Variants in SEC14L5 observed in about 807,000 individuals in gnomAD.
The protein encoded by SEC14L5 is SEC14 like lipid binding 5, also known as SEC14-like protein 5.
A neutral mutation model predicts 84.6 loss-of-function variants in SEC14L5; 96 were observed. That is an observed-to-expected ratio of 1.13 (90% confidence interval 0.96 to 1.34). The LOEUF is 1.34. Ranked by LOEUF, SEC14L5 falls within the 40% of genes most tolerant of loss-of-function variation. The pLI is 0.00. For synonymous variants in SEC14L5, 546 were observed against 383.4 expected, an observed-to-expected ratio of 1.42 and a Z score of -4.95; for missense variants, 1,224 against 942.5, an observed-to-expected ratio of 1.30 and a Z score of -3.91.
In SEC14L5 at chr16:4,990,942, G is replaced by C. The variant is rs1178870559; in HGVS notation, c.474+47G>C. The C allele has an allele frequency of 2.7e-6, 4 of 1,479,616 alleles. No homozygotes were observed. In the East Asian group the frequency reaches 1.0e-4, roughly 38 times the overall value. The allele number at this position is 1,479,616 out of a possible 1,614,324, so 91.7% of individuals were successfully genotyped here. A position where few individuals can be genotyped will look rare whatever the true frequency, so the allele number is the denominator to read the frequency against. ...TTACTGGAGGAAGGTGCACACACCT[G>C]CTCTGCCATCAACAGCTGCATGACC... is the stretch of plus-strand genomic sequence containing the variant. On this transcript the variant is annotated intron_variant, in intron 5 of 15. Coordinates refer to ENST00000251170, the MANE Select transcript of SEC14L5 (RefSeq NM_014692.2).
Position 4,995,248 on chromosome 16 carries a change from C to T in SEC14L5, c.668-1100C>T, listed in dbSNP as rs1052456860. On this transcript the variant is annotated intron_variant, in intron 6 of 15. Coordinates refer to ENST00000251170, the MANE Select transcript of SEC14L5 (RefSeq NM_014692.2). ...GACGTCTCCGCCCACTGCTGAGATG[C>T]CACGAGGCCTCTGCACGCCAGCATC... Among the ~76,000 whole-genome samples the T allele has an allele frequency of 2.6e-5, 4 of 152,320 alleles. No individual in the cohort carries two copies. The East Asian group carries it at 5.8e-4, about 22-fold the overall frequency.
intron 2 of SEC14L5, among the ~76,000 whole-genome samples, chr16:4,984,898 T>C (rs963109455): frequency 6.6e-6 from 1 of 152,250 alleles, no homozygotes; most frequent in African/African-American, 2.4e-5. Flanking sequence ...CTCTTTATTG[T>C]TGAATTCTAA....
At chr16:4,978,915 A>T (rs1203965724) in intron 2 of SEC14L5, among the ~76,000 whole-genome samples, 4 of 152,046 alleles carry the variant, frequency 2.6e-5, no homozygotes, top group Non-Finnish European at 5.9e-5. Context: ...TTCTTATTTT[A>T]TGTAGAGATG....
intron 11 of SEC14L5, among the ~76,000 whole-genome samples, chr16:5,005,060 C>G (rs530167331): frequency 6.6e-6 from 1 of 152,210 alleles, no homozygotes; most frequent in East Asian, 1.9e-4. Context: ...CCTGTAATCC[C>G]AGTACTTTGA....
intron 10 of SEC14L5, among the ~76,000 whole-genome samples, chr16:5,002,297 G>GTT (rs1568142771): frequency 1.4e-5 from 1 of 72,458 alleles, no homozygotes. Context: ...GCTGTTTGCA[G>GTT]ATTTTTTTTT....
intron 2 of SEC14L5, among the ~76,000 whole-genome samples, chr16:4,973,583 T>A (rs1238290479): frequency 6.6e-6 from 1 of 152,096 alleles, no homozygotes; most frequent in Non-Finnish European, 1.5e-5. Context: ...GAAGCACTGA[T>A]GCACGATGCA....
chr16:4,980,554 T>C (rs1955409716), intron 2 of SEC14L5, among the ~76,000 whole-genome samples: 1 of 152,146 alleles, frequency 6.6e-6, no homozygotes, highest in African/African-American at 2.4e-5. Context: ...TTGGGCCAAG[T>C]GCGTGTTATG....
chr16:4,972,152 C>T (rs34763213), intron 2 of SEC14L5, among the ~76,000 whole-genome samples: 3 of 151,856 alleles, frequency 2.0e-5, no homozygotes, highest in African/African-American at 7.3e-5. Context: ...ACTATAGGTG[C>T]CACCGAACCT....
rs1955864611 is a variant in SEC14L5 at position 5,015,419 on chromosome 16, G to A, written c.*449G>A. ...GCTCCAGCCCACTTCCCAGAGCTGA[G>A]TCTTAGCCTGGAAGGGGGAGCGATT... On this transcript the variant is annotated 3_prime_UTR_variant, in exon 16 of 16. Transcript: ENST00000251170. 6.1e-6 allele frequency: 1 copy of A among 163,344 alleles called. No homozygotes were observed. Among genetic ancestry groups the A allele is most frequent in the African/African-American group, 2.4e-5 (1 of 41,836 alleles). 10.1% of individuals were successfully genotyped at this position (163,344 alleles called of 1,614,324 possible).
At chr16:5,001,269 T>C (rs887266061) in intron 10 of SEC14L5, among the ~76,000 whole-genome samples, 3 of 147,036 alleles carry the variant, frequency 2.0e-5, no homozygotes, top group Non-Finnish European at 4.6e-5. Flanking sequence ...TTTTTTTTTT[T>C]CTTTTTTGAA....
intron 6 of SEC14L5, among the ~76,000 whole-genome samples, chr16:4,993,730 C>G (rs958614920): frequency 1.3e-5 from 2 of 152,144 alleles, no homozygotes; most frequent in African/African-American, 4.8e-5. Context: ...AGTTTACATG[C>G]AAGTAAAATT....
chr16:4,988,115 A>ACCC, intron 3 of SEC14L5, 34 bp from the exon 4 acceptor site: 2 of 1,442,554 alleles, frequency 1.4e-6, no homozygotes, highest in Non-Finnish European at 9.6e-7. Context: ...CACGCCGCCC[A>ACCC]CCCACCTCCG....
chr16:5,004,702 C>G (rs1955712401), intron 11 of SEC14L5, among the ~76,000 whole-genome samples: 1 of 152,182 alleles, frequency 6.6e-6, no homozygotes, highest in Admixed American at 6.5e-5. Flanking sequence ...GTTTCCTCAC[C>G]TATCTCTTGG....
intron 10 of SEC14L5, 126 bp from the exon 11 acceptor site, chr16:5,003,276 G>A (rs1955695861): frequency 1.4e-6 from 1 of 697,904 alleles, no homozygotes; most frequent in African/African-American, 1.8e-5. Flanking sequence ...TCCCTACTGT[G>A]GCAGGAGCCC....
intron 8 of SEC14L5, among the ~76,000 whole-genome samples, chr16:4,998,798 G>T (rs930304136): frequency 2.0e-5 from 3 of 148,078 alleles, no homozygotes; most frequent in African/African-American, 7.5e-5. Flanking sequence ...TAGGGTAAAC[G>T]CTTGACTCTC....
At chr16:4,971,611 A>G (rs942084938) in intron 2 of SEC14L5, among the ~76,000 whole-genome samples, 2 of 152,228 alleles carry the variant, frequency 1.3e-5, no homozygotes, top group African/African-American at 2.4e-5. Flanking sequence ...CACCTGCCCA[A>G]TAAGTATCTT....
Position 4,991,923 on chromosome 16 carries a change from G to A in SEC14L5, c.560G>A (p.Arg187His), listed in dbSNP as rs754852146. ...CCGCGCTGGACGCCTGCCCCAGTCC[G>A]TGAGGAGGATGCCCGCAACCAGGCT... ...HIPRWTPAPV[R>H]EEDARNQAGP... The change falls in exon 6 of 16, where the codon CGT becomes CAT. Residue 187 changes from arginine to histidine, a missense_variant. By Grantham distance (29) the Arg-to-His change is conservative. Transcript: ENST00000251170. The A allele has an allele frequency of 6.8e-6, 11 of 1,606,082 alleles. No individual in the cohort carries two copies. The highest frequency in any genetic ancestry group is 5.3e-5 in the African/African-American group (4 of 74,874).
chr16:4,983,685 T>G (rs1955453484), intron 2 of SEC14L5, among the ~76,000 whole-genome samples: 1 of 151,842 alleles, frequency 6.6e-6, no homozygotes, highest in Admixed American at 6.6e-5. Context: ...AAGACCAACC[T>G]GACCAACATG....
intron 6 of SEC14L5, among the ~76,000 whole-genome samples, chr16:4,995,862 G>C (rs1190895518): frequency 1.3e-5 from 2 of 152,096 alleles, no homozygotes; most frequent in Non-Finnish European, 2.9e-5. Context: ...CTGACTTCAA[G>C]TGATCTGCCT....
Sources: allele counts gnomAD v4.1 joint callset (sites outside exome capture counted in the v4.1 genomes callset), GRCh38; gene constraint gnomAD v4.1.1; transcripts MANE v1.5; gene names NCBI Gene and HGNC (gene_info 2026-07-23, HGNC 2026-07-21).